Variants in COL24A1 observed in about 807,000 individuals in gnomAD.
COL24A1 encodes collagen type XXIV alpha 1 chain, also known as collagen alpha-1(XXIV) chain.
A neutral mutation model predicts 253.9 loss-of-function variants in COL24A1; 224 were observed. The ratio of observed to expected loss-of-function variants is 0.88; its 90% CI spans 0.79 to 0.99. COL24A1 has a LOEUF of 0.99. COL24A1 is among the 50% of genes least tolerant of loss of function. The pLI is 0.00. For missense variants in COL24A1, 2,131 were observed against 2,068.5 expected (o/e 1.03, Z -0.59); for synonymous variants, 685 against 673.7 (o/e 1.02, Z -0.26).
chr1:85,907,607 G>T (rs1327196596), intron 27 of COL24A1, among the ~76,000 whole-genome samples: 2 of 151,894 alleles, frequency 1.3e-5, no homozygotes, highest in African/African-American at 2.4e-5. Context: ...AAAAGCAATG[G>T]CTATCATGGT....
chr1:85,937,823 A>G (rs1241293224), intron 24 of COL24A1, among the ~76,000 whole-genome samples: 1 of 147,634 alleles, frequency 6.8e-6, no homozygotes, highest in Non-Finnish European at 1.5e-5. Context: ...ATTCTAGCAG[A>G]AATGACATAT....
rs374082984 is a variant in COL24A1, at chr1:85,762,265, A to G, written c.4375-699T>C. Among the ~76,000 whole-genome samples, 3 of 152,332 alleles carry G rather than the reference A, an allele frequency of 2.0e-5. No individual in the cohort carries two copies. In the South Asian group the frequency reaches 6.2e-4, roughly 32 times the overall value. The stretch of plus-strand genomic sequence containing the variant: ...GTTAAAAGATGGCAAAGCAACACTT[A>G]TCTTCAGCTAAGTTTTGGATAATGT... On this transcript the variant is annotated intron_variant, in intron 53 of 59. Transcript: ENST00000370571.
chr1:86,119,477 T>A lies in COL24A1; in HGVS notation c.1492-4099A>T, dbSNP rs6695814. Among the ~76,000 whole-genome samples, 81 of 152,292 alleles carry A rather than the reference T, an allele frequency of 5.3e-4. 1 individual carries two copies. Among genetic ancestry groups the A allele is most frequent in the African/African-American group, 1.9e-3 (78 of 41,576 alleles). On this transcript the variant is annotated intron_variant, in intron 3 of 59. Coordinates refer to ENST00000370571, the MANE Select transcript of COL24A1 (RefSeq NM_152890.7). ...AGAAGAACATACCTTTTTTATGTTC[T>A]ACAACCAGAATCCTCTCTGGTGAGA...
chr1:86,045,881 C>A (rs1699864442), intron 12 of COL24A1: 1 of 440,808 alleles, frequency 2.3e-6, no homozygotes, highest in Non-Finnish European at 4.6e-6. Context: ...CTCTTCTAAG[C>A]ACTGTGAGTA....
At chr1:86,002,221 A>T (rs1395487854) in intron 19 of COL24A1, among the ~76,000 whole-genome samples, 1 of 152,222 alleles carries the variant, frequency 6.6e-6, no homozygotes, top group Non-Finnish European at 1.5e-5. Context: ...GGGATGTCAT[A>T]GATTAGTGCC....
chr1:86,040,265 A>G (rs1699362382), intron 12 of COL24A1, among the ~76,000 whole-genome samples: 1 of 150,268 alleles, frequency 6.7e-6, no homozygotes, highest in African/African-American at 2.4e-5. Context: ...ATGCACTCAC[A>G]CTTCTGATTT....
chr1:86,026,429 C>T lies in COL24A1; in HGVS notation c.2050-3422G>A, dbSNP rs580994. ...ATCAGATCATTGGGGAGGATTCCCC[C>T]ATGCTATTCTCATGATAGTGAGTGA... On this transcript the variant is annotated intron_variant, in intron 14 of 59. Coordinates refer to ENST00000370571, the MANE Select transcript of COL24A1 (RefSeq NM_152890.7). Among the ~76,000 whole-genome samples the T allele has an allele frequency of 9.8e-3, 1,498 of 152,278 alleles. 37 individuals are homozygous for T. Among genetic ancestry groups the T allele is most frequent in the African/African-American group, 0.034 (1,398 of 41,546 alleles).
intron 43 of COL24A1, among the ~76,000 whole-genome samples, chr1:85,830,012 T>A (rs1456122599): frequency 6.6e-6 from 1 of 152,052 alleles, no homozygotes; most frequent in African/African-American, 2.4e-5. Context: ...CTTTTCAGAG[T>A]TTCCAGTTTT....
At chr1:85,933,414 G>C (rs1182872282) in intron 24 of COL24A1, among the ~76,000 whole-genome samples, 1 of 151,886 alleles carries the variant, frequency 6.6e-6, no homozygotes, top group Non-Finnish European at 1.5e-5. Flanking sequence ...GATTGGTTGG[G>C]AACCAACACA....
chr1:86,095,862 A>C (rs553368334), intron 5 of COL24A1, among the ~76,000 whole-genome samples: 152 of 152,208 alleles, frequency 1.0e-3, no homozygotes, highest in African/African-American at 3.6e-3. Context: ...GCTAGAGTTT[A>C]AAATCATTTT....
At chr1:85,946,295 G>T (rs148387130) in intron 24 of COL24A1, among the ~76,000 whole-genome samples, 5 of 152,112 alleles carry the variant, frequency 3.3e-5, no homozygotes, top group Non-Finnish European at 7.4e-5. Context: ...CTGGGACACC[G>T]CACCGGGTTT....
intron 27 of COL24A1, among the ~76,000 whole-genome samples, chr1:85,907,617 T>C (rs906677389): frequency 6.6e-6 from 1 of 151,844 alleles, no homozygotes; most frequent in Non-Finnish European, 1.5e-5. Flanking sequence ...GCTATCATGG[T>C]AATATTTCTT....
chr1:86,112,147 GTTTT>G (rs561649542), intron 5 of COL24A1, among the ~76,000 whole-genome samples: 1 of 151,290 alleles, frequency 6.6e-6, no homozygotes. Flanking sequence ...AACATCCTCG[GTTTT>G]TTTTCAGGTA....
At chr1:85,742,425 C>G (rs952762876) in intron 57 of COL24A1, among the ~76,000 whole-genome samples, 4 of 152,134 alleles carry the variant, frequency 2.6e-5, no homozygotes, top group African/African-American at 9.7e-5. Flanking sequence ...AGCCACTGTG[C>G]CCGTCCTAGA....
intron 3 of COL24A1, among the ~76,000 whole-genome samples, chr1:86,120,116 C>T (rs891248568): frequency 6.6e-6 from 1 of 152,154 alleles, no homozygotes; most frequent in South Asian, 2.1e-4. Flanking sequence ...TGGATCCCTG[C>T]CTTACACCTT....
At chr1:85,894,957 T>C (rs1334531053) in intron 31 of COL24A1, among the ~76,000 whole-genome samples, 1 of 152,174 alleles carries the variant, frequency 6.6e-6, no homozygotes, top group East Asian at 1.9e-4. Context: ...TCTATCCTTT[T>C]CTGTCTCCCG....
At chr1:85,968,520 C>CA (rs1275490808) in intron 22 of COL24A1, among the ~76,000 whole-genome samples, 1 of 151,988 alleles carries the variant, frequency 6.6e-6, no homozygotes, top group Admixed American at 6.6e-5. Flanking sequence ...TCCTAACAAG[C>CA]AAAAAGCAAA....
At chr1:85,797,028 G>A (rs1200660666) in intron 47 of COL24A1, among the ~76,000 whole-genome samples, 8 of 150,158 alleles carry the variant, frequency 5.3e-5, no homozygotes, top group African/African-American at 9.8e-5. Flanking sequence ...GTGAAACCCC[G>A]TCTCTACCAA....
In COL24A1 at chr1:85,908,586, T is replaced by C. The variant is rs748312064; in HGVS notation, c.2724+12A>G. On this transcript the variant is annotated intron_variant, in intron 27 of 59. Coordinates refer to ENST00000370571, the MANE Select transcript of COL24A1 (RefSeq NM_152890.7). ...ATTCCGGAAGGAATCATAAAGTCTT[T>C]CCTGTACTTACAGGTAATCCCAATG... 46 of 1,411,664 alleles carry C rather than the reference T, an allele frequency of 3.3e-5. No homozygotes were observed. Among genetic ancestry groups the C allele is most frequent in the South Asian group, 2.1e-4 (15 of 70,586 alleles). The allele number at this position is 1,411,664 out of a possible 1,614,324, so 87.4% of individuals were successfully genotyped here.
Sources: allele counts gnomAD v4.1 joint callset (sites outside exome capture counted in the v4.1 genomes callset), GRCh38; gene constraint gnomAD v4.1.1; transcripts MANE v1.5; gene names NCBI Gene and HGNC (gene_info 2026-07-23, HGNC 2026-07-21).